POLI: variants seen among roughly 807,000 people sequenced by gnomAD.
The protein encoded by POLI is RAD30 homolog B.
In POLI, 58 loss-of-function variants were observed where a neutral mutation model predicts 51.6. The ratio of observed to expected loss-of-function variants is 1.12; its 90% CI spans 0.91 to 1.40. The LOEUF is 1.40. Ranked by LOEUF, POLI falls within the 40% of genes most tolerant of loss-of-function variation. The probability of loss-of-function intolerance (pLI) is 0.00; values close to 1 mark genes in which losing one functional copy is unlikely to be tolerated. For missense variants in POLI, 921 were observed against 871.3 expected, an observed-to-expected ratio of 1.06 and a Z score of -0.72; for synonymous variants, 322 against 299.7, an observed-to-expected ratio of 1.07 and a Z score of -0.77.
chr18:54,289,540 A>G (rs1049001551), intron 8 of POLI, among the ~76,000 whole-genome samples: 4 of 152,010 alleles, frequency 2.6e-5, no homozygotes, highest in Admixed American at 6.6e-5. Flanking sequence ...AATAAAAAGA[A>G]CAAAGCTGGA....
At position 54,294,584 on chromosome 18, in the gene POLI, C is replaced by G. The variant is rs2088208073; in HGVS notation, c.*117C>G. 2 of 1,334,802 alleles carry G rather than the reference C, an allele frequency of 1.5e-6. No individual in the cohort carries two copies. Among genetic ancestry groups the G allele is most frequent in the Admixed American group, 3.5e-5 (1 of 28,766 alleles). 82.7% of individuals were successfully genotyped at this position (1,334,802 alleles called of 1,614,324 possible). A position where few individuals can be genotyped will look rare whatever the true frequency, so the allele number is the denominator to read the frequency against. ...ATATTCAATAACGGAGTAAACTGTT[C>G]CAGATAAAGCAAGAATAGTTGCAAG... On this transcript the variant is annotated 3_prime_UTR_variant, in exon 10 of 10. Transcript: ENST00000579534.
intron 9 of POLI, among the ~76,000 whole-genome samples, chr18:54,292,548 G>T (rs1323175958): frequency 6.6e-6 from 1 of 152,088 alleles, no homozygotes; most frequent in Non-Finnish European, 1.5e-5. Flanking sequence ...AAAGGCAGAG[G>T]CCAGTCACAT....
intron 4 of POLI, among the ~76,000 whole-genome samples, chr18:54,279,347 A>T (rs1385165928): frequency 6.6e-6 from 1 of 150,956 alleles, no homozygotes; most frequent in Non-Finnish European, 1.5e-5. Flanking sequence ...GGTTCAAGCA[A>T]TTCTCCTGCT....
chr18:54,320,151 AT>A (rs1188311059), intron 3 of POLI: 1 of 152,186 alleles, frequency 6.6e-6, no homozygotes, highest in Non-Finnish European at 1.5e-5. Context: ...ATCCCAGTAG[AT>A]TTAGGAAGAG....
chr18:54,269,803 G>C (rs532166782), intron 1 of POLI, 142 bp downstream of exon 1: 2 of 1,370,248 alleles, frequency 1.5e-6, no homozygotes, highest in African/African-American at 3.1e-5. Flanking sequence ...GCCTCCCTCT[G>C]CCTTGTGTTA....
intron 2 of POLI, among the ~76,000 whole-genome samples, chr18:54,272,478 G>T (rs896017562): frequency 2.7e-5 from 4 of 150,662 alleles, no homozygotes; most frequent in African/African-American, 5.0e-5. Context: ...TTTTGTTTTT[G>T]TTGTTGTTGT....
chr18:54,277,404 A>T (rs1183268135), intron 3 of POLI, among the ~76,000 whole-genome samples: 1 of 152,206 alleles, frequency 6.6e-6, no homozygotes, highest in Non-Finnish European at 1.5e-5. Context: ...ATAAGCATTG[A>T]TATTTAATGT....
chr18:54,287,349 A>G lies in POLI; in HGVS notation c.1136A>G (p.His379Arg), dbSNP rs767543790. The G allele has an allele frequency of 6.9e-6, 11 of 1,599,706 alleles. No individual in the cohort carries two copies. The highest frequency in any genetic ancestry group is 8.5e-6 in the Non-Finnish European group (10 of 1,170,262). The change falls in exon 8 of 10, where the codon CAC becomes CGC. Residue 379 changes from histidine to arginine, a missense_variant. Physicochemically the swap from His to Arg is conservative, Grantham distance 29 (BLOSUM62 0). Transcript: ENST00000579534. ...LIIRRYSSEKHYGRESRQCPI... is the reference protein window; with the variant it reads ...LIIRRYSSEKRYGRESRQCPI... ...ATCCGTCGGTATTCCTCTGAGAAGC[A>G]CTATGGTCGTGAGAGTCGTCAGTGC...
intron 1 of POLI, chr18:54,271,129 T>C (rs1348485798): frequency 5.7e-6 from 2 of 348,624 alleles, no homozygotes; most frequent in Non-Finnish European, 1.0e-5. Context: ...TTCAAACTTA[T>C]TACTATCCTG....
At chr18:54,308,328 C>T (rs1294568472) in intron 3 of POLI, among the ~76,000 whole-genome samples, 1 of 152,120 alleles carries the variant, frequency 6.6e-6, no homozygotes, top group Non-Finnish European at 1.5e-5. Flanking sequence ...TTTTATTTCT[C>T]CTTCACTTAT....
At chr18:54,312,015 G>A (rs557865643) in intron 3 of POLI, among the ~76,000 whole-genome samples, 2 of 152,208 alleles carry the variant, frequency 1.3e-5, no homozygotes, top group South Asian at 4.1e-4. Context: ...TATATTGCAT[G>A]ATGCTGATAT....
chr18:54,273,923 C>A lies in POLI; in HGVS notation c.242-3C>A. 6.7e-7 allele frequency: 1 copy of A among 1,486,430 alleles called. No homozygotes were observed. The allele number at this position is 1,486,430 out of a possible 1,614,324, so 92.1% of individuals were successfully genotyped here. The stretch of plus-strand genomic sequence containing the variant: ...TGGGTTTCTCATAAAATATTTTTTA[C>A]AGGGGTTCAACAGAAATATTTGGTG... On this transcript the variant is annotated splice_polypyrimidine_tract_variant and splice_region_variant and intron_variant, in intron 2 of 9. Transcript: ENST00000579534.
rs981769109 is a variant in POLI at position 54,270,042 on chromosome 18, G to A, written c.115+381G>A. 7.0e-6 allele frequency: 7 copies of A among 1,004,060 alleles called. No homozygotes were observed. In the South Asian group the frequency reaches 1.3e-4, roughly 19 times the overall value. The allele number at this position is 1,004,060 out of a possible 1,614,324, so 62.2% of individuals were successfully genotyped here. A position where few individuals can be genotyped will look rare whatever the true frequency, so the allele number is the denominator to read the frequency against. On this transcript the variant is annotated intron_variant, in intron 1 of 9. Coordinates refer to ENST00000579534, the MANE Select transcript of POLI (RefSeq NM_007195.3). ...GCTCATTTGGCAGAAGGTGGGACCC[G>A]GATCTCAGTCCTGGCAGGAAGGGAT...
chr18:54,280,739 C>T lies in POLI; in HGVS notation c.632C>T (p.Ala211Val), dbSNP rs974334753. The T allele has an allele frequency of 6.2e-7, 1 of 1,613,828 alleles. No homozygotes were observed. Among genetic ancestry groups the T allele is most frequent in the South Asian group, 1.1e-5 (1 of 91,086 alleles). Reference sequence around the variant, plus strand: ...CAGATTGCAGCAGAGATGCGGGAAGCCATGTATAATCAGTTGGGGCTCACT... The same window carrying T: ...CAGATTGCAGCAGAGATGCGGGAAGTCATGTATAATCAGTTGGGGCTCACT... Reference protein sequence around the residue: ...GSQIAAEMREAMYNQLGLTGC... With the variant: ...GSQIAAEMREVMYNQLGLTGC... The change falls in exon 5 of 10, where the codon GCC becomes GTC. Residue 211 changes from alanine (A) to valine (V), a missense_variant. By Grantham distance (64) the Ala-to-Val change is moderately conservative. Coordinates refer to ENST00000579534, the MANE Select transcript of POLI (RefSeq NM_007195.3).
chr18:54,309,963 A>G (rs2144644173), intron 3 of POLI, among the ~76,000 whole-genome samples: 1 of 152,266 alleles, frequency 6.6e-6, no homozygotes, highest in South Asian at 2.1e-4. Flanking sequence ...TTTGAGTGGG[A>G]GTGTCCCGTT....
intron 5 of POLI, 144 bp from the exon 6 acceptor site, chr18:54,282,693 A>G (rs2087559090): frequency 5.4e-6 from 3 of 556,164 alleles, no homozygotes; most frequent in Non-Finnish European, 9.4e-6. Flanking sequence ...TGAAGGTCTT[A>G]GAATGTATCC....
At position 54,295,296 on chromosome 18, in the gene POLI, AGAT is replaced by A. The variant is rs767720007; in HGVS notation, c.*833_*835del. 9 of 984,174 alleles carry A rather than the reference AGAT, an allele frequency of 9.1e-6. No homozygotes were observed. Among genetic ancestry groups the A allele is most frequent in the Non-Finnish European group, 9.7e-6 (8 of 828,908 alleles). The allele number at this position is 984,174 out of a possible 1,614,324, so 61.0% of individuals were successfully genotyped here. ...GTTTTTGTATCTTCCCTACATTTGGAGATGATATTAGGTTGTCATAACAACCAC... is the reference window on the plus strand; with the variant it reads ...GTTTTTGTATCTTCCCTACATTTGGAGATATTAGGTTGTCATAACAACCAC... On this transcript the variant is annotated 3_prime_UTR_variant, in exon 10 of 10. Transcript: ENST00000579534.
intron 3 of POLI, among the ~76,000 whole-genome samples, chr18:54,310,371 C>T (rs2088654296): frequency 6.6e-6 from 1 of 152,192 alleles, no homozygotes; most frequent in African/African-American, 2.4e-5. Context: ...TATCTTCAAA[C>T]TTAGATTTAA....
intron 7 of POLI, among the ~76,000 whole-genome samples, chr18:54,284,249 T>C (rs1429230529): frequency 6.6e-6 from 1 of 152,224 alleles, no homozygotes; most frequent in Non-Finnish European, 1.5e-5. Flanking sequence ...GGTTATGCTA[T>C]GGATCTAAAG....
Sources: gnomAD v4.1 joint callset for allele counts (sites outside exome capture counted in the v4.1 genomes callset) on GRCh38, gnomAD v4.1.1 for gene constraint, MANE v1.5 for transcripts, NCBI Gene and HGNC (gene_info 2026-07-23, HGNC 2026-07-21) for gene names.